Variants in RRM2B observed in about 807,000 individuals in gnomAD.
RRM2B encodes ribonucleoside-diphosphate reductase subunit M2 B.
RRM2B carries 20 observed loss-of-function variants against 45.9 expected under a neutral mutation model. That is an observed-to-expected ratio of 0.44 (90% CI 0.31 to 0.63). The LOEUF (loss-of-function observed/expected upper bound fraction) is 0.63. Ranked by LOEUF, RRM2B falls within the 30% of genes least tolerant of loss-of-function variation. RRM2B has a pLI of 0.09. For missense variants in RRM2B, 320 were observed against 414.7 expected (o/e 0.77, Z 1.98); for synonymous variants, 124 against 132.3 (o/e 0.94, Z 0.43).
chr8:102,208,093 A>G lies in RRM2B; in HGVS notation c.*40T>C. On this transcript the variant is annotated 3_prime_UTR_variant, in exon 9 of 9. Coordinates refer to ENST00000251810, the MANE Select transcript of RRM2B (RefSeq NM_015713.5). ...AGCAGAGGAAAATAGACTACTATTT[A>G]CCAATGACAAGTTTATAGAGTTTTA... 3 of 1,551,860 alleles carry G rather than the reference A, an allele frequency of 1.9e-6. No individual in the cohort carries two copies. Among genetic ancestry groups the G allele is most frequent in the Non-Finnish European group, 2.7e-6 (3 of 1,126,394 alleles).
intron 7 of RRM2B, among the ~76,000 whole-genome samples, chr8:102,213,603 CTAACT>C (rs1810672691): frequency 1.3e-5 from 2 of 152,096 alleles, no homozygotes; most frequent in African/African-American, 2.4e-5. Flanking sequence ...CGTACATACC[CTAACT>C]TAATTGTTAC....
rs533746921 is a variant in RRM2B, at chr8:102,205,917, T to C, written c.*2216A>G. 12 of 136,660 alleles carry C rather than the reference T, an allele frequency of 8.8e-5. No homozygotes were observed. The South Asian group carries it at 2.2e-3, about 25-fold the overall frequency. The allele number at this position is 136,660 out of a possible 1,614,324, so 8.5% of individuals were successfully genotyped here. A position where few individuals can be genotyped will look rare whatever the true frequency, so the allele number is the denominator to read the frequency against. ...CTTCATCCAAATCCAGTTAGGTTTA[T>C]TGCTATTATAAATAAGCTTCACATT... is the stretch of plus-strand genomic sequence containing the variant. On this transcript the variant is annotated 3_prime_UTR_variant, in exon 9 of 9. Transcript: ENST00000251810.
At chr8:102,233,046 G>T (rs1375674779) in intron 1 of RRM2B, among the ~76,000 whole-genome samples, 2 of 152,212 alleles carry the variant, frequency 1.3e-5, no homozygotes, top group Non-Finnish European at 2.9e-5. Flanking sequence ...AACATCAGAA[G>T]AGAATCAGAA....
At chr8:102,225,064 A>G (rs1251847459) in intron 3 of RRM2B, 46 bp from the exon 4 acceptor site, 7 of 1,602,870 alleles carry the variant, frequency 4.4e-6, no homozygotes, top group Non-Finnish European at 6.0e-6. Context: ...ATAGGCTCTC[A>G]TTAAACACTG....
At chr8:102,232,360 T>C (rs1325594590) in intron 1 of RRM2B, 56 bp from the exon 2 acceptor site, 8 of 1,536,218 alleles carry the variant, frequency 5.2e-6, no homozygotes, top group African/African-American at 1.4e-5. Context: ...TCTTTATTCA[T>C]ACCTAAACAT....
intron 1 of RRM2B, chr8:102,238,558 C>T: frequency 6.6e-7 from 1 of 1,515,116 alleles, no homozygotes; most frequent in Non-Finnish European, 8.8e-7. Context: ...GTAAGTCTCA[C>T]CCCGGCCTGA....
chr8:102,227,259 G>A (rs1183786611), intron 2 of RRM2B, among the ~76,000 whole-genome samples: 3 of 152,106 alleles, frequency 2.0e-5, no homozygotes, highest in East Asian at 1.9e-4. Flanking sequence ...TAAGGGAGAC[G>A]TACTTTAGAA....
chr8:102,211,613 C>G (rs1426591194), intron 8 of RRM2B, among the ~76,000 whole-genome samples: 2 of 151,944 alleles, frequency 1.3e-5, no homozygotes, highest in Non-Finnish European at 2.9e-5. Context: ...TAAAGAATAG[C>G]GAATTCACTG....
At position 102,205,001 on chromosome 8, in the gene RRM2B, G is replaced by A. The variant is rs1379365084; in HGVS notation, c.*3132C>T. 1 of 152,090 alleles carries A rather than the reference G, an allele frequency of 6.6e-6. No homozygotes were observed. The highest frequency in any genetic ancestry group is 1.5e-5 in the Non-Finnish European group (1 of 67,992). 9.4% of individuals were successfully genotyped at this position (152,090 alleles called of 1,614,324 possible). A position where few individuals can be genotyped will look rare whatever the true frequency, so the allele number is the denominator to read the frequency against. On this transcript the variant is annotated 3_prime_UTR_variant, in exon 9 of 9. Transcript: ENST00000251810. Reference sequence around the variant, plus strand: ...TTTCAAATCTTTAACTTTTTACAAAGGAGCAGAGCACTTAAAGGGAAATGG... The same window carrying A: ...TTTCAAATCTTTAACTTTTTACAAAAGAGCAGAGCACTTAAAGGGAAATGG...
At chr8:102,224,753 C>CA (rs1446207685) in intron 4 of RRM2B, 132 bp downstream of exon 4, 4 of 882,378 alleles carry the variant, frequency 4.5e-6, no homozygotes, top group Non-Finnish European at 7.0e-6. Flanking sequence ...CATTATTAAG[C>CA]AATAGAAAAT....
chr8:102,228,402 T>G (rs1421113853), intron 2 of RRM2B, among the ~76,000 whole-genome samples: 1 of 152,210 alleles, frequency 6.6e-6, no homozygotes, highest in African/African-American at 2.4e-5. Flanking sequence ...TTTGTTCATG[T>G]GATCTGATTT....
At chr8:102,234,742 C>T (rs1811090610) in intron 1 of RRM2B, 1 of 153,268 alleles carries the variant, frequency 6.5e-6, no homozygotes, top group Non-Finnish European at 1.5e-5. Context: ...CCCAGCTACT[C>T]GGGAGGCTGA....
intron 8 of RRM2B, 140 bp downstream of exon 8, chr8:102,212,636 G>A: frequency 1.7e-6 from 1 of 577,564 alleles, no homozygotes; most frequent in Non-Finnish European, 3.1e-6. Context: ...GCAAAACCTT[G>A]TTCATACAAA....
At chr8:102,233,533 C>A (rs1409276810) in intron 1 of RRM2B, among the ~76,000 whole-genome samples, 1 of 152,182 alleles carries the variant, frequency 6.6e-6, no homozygotes, top group Middle Eastern at 3.2e-3. Context: ...ACTCAGATTT[C>A]TAGGTACCTT....
At position 102,212,792 on chromosome 8, in the gene RRM2B, T is replaced by G. The variant is rs764813523; in HGVS notation, c.887A>C (p.Glu296Ala). ...IEFVADRLLV[E>A]LGFSKVFQAE... ...ACACATTACCTTTGAGAATCCAAGTTCCACAAGTAATCTGTCAGCTACAAA... is the reference window on the plus strand; with the variant it reads ...ACACATTACCTTTGAGAATCCAAGTGCCACAAGTAATCTGTCAGCTACAAA... The change falls in exon 8 of 9, where the codon GAA (glutamate) becomes GCA (alanine). Residue 296 changes from glutamate to alanine, a missense_variant. Glu to Ala is a moderately radical substitution (Grantham distance 107). Coordinates refer to ENST00000251810, the MANE Select transcript of RRM2B (RefSeq NM_015713.5). The G allele has an allele frequency of 6.3e-7, 1 of 1,589,688 alleles. No individual in the cohort carries two copies. The highest frequency in any genetic ancestry group is 1.1e-5 in the South Asian group (1 of 90,626).
chr8:102,205,276 A>G lies in RRM2B; in HGVS notation c.*2857T>C, dbSNP rs1810524630. On this transcript the variant is annotated 3_prime_UTR_variant, in exon 9 of 9. Transcript: ENST00000251810. ...CAGTGATGTTAGCATATTTAAATGT[A>G]AAATGCAAAATGATTAATTTTTAAA... The G allele has an allele frequency of 1.3e-5, 2 of 152,210 alleles. No homozygotes were observed. Among genetic ancestry groups the G allele is most frequent in the African/African-American group, 2.4e-5 (1 of 41,474 alleles). The allele number at this position is 152,210 out of a possible 1,614,324, so 9.4% of individuals were successfully genotyped here. A position where few individuals can be genotyped will look rare whatever the true frequency, so the allele number is the denominator to read the frequency against.
intron 3 of RRM2B, among the ~76,000 whole-genome samples, chr8:102,225,564 G>A (rs972725812): frequency 2.0e-5 from 3 of 152,050 alleles, no homozygotes; most frequent in African/African-American, 7.2e-5. Context: ...AAGAAATTAT[G>A]CCTCCTGATC....
intron 2 of RRM2B, among the ~76,000 whole-genome samples, chr8:102,226,709 AC>A (rs1810938733): frequency 6.6e-6 from 1 of 152,140 alleles, no homozygotes; most frequent in Non-Finnish European, 1.5e-5. Context: ...CAGGCAGGTA[AC>A]AACCTGAGTT....
intron 5 of RRM2B, among the ~76,000 whole-genome samples, chr8:102,219,419 T>C (rs1810790106): frequency 6.6e-6 from 1 of 152,124 alleles, no homozygotes; most frequent in African/African-American, 2.4e-5. Context: ...TGCAAACATT[T>C]CAAAAACCAC....
Sources: gnomAD v4.1 joint callset for allele counts (sites outside exome capture counted in the v4.1 genomes callset) on GRCh38, gnomAD v4.1.1 for gene constraint, MANE v1.5 for transcripts, NCBI Gene and HGNC (gene_info 2026-07-23, HGNC 2026-07-21) for gene names.